SGCD: variants seen among roughly 807,000 people sequenced by gnomAD.
SGCD encodes the protein delta-sarcoglycan.
In SGCD, 18 loss-of-function variants were observed where a neutral mutation model predicts 36.6. The observed-to-expected ratio is 0.49, with a 90% CI of 0.34 to 0.73. The LOEUF (loss-of-function observed/expected upper bound fraction) is 0.73. Ranked by LOEUF, SGCD falls within the 30% of genes least tolerant of loss-of-function variation. The probability of loss-of-function intolerance (pLI) is 0.01; values close to 1 mark genes in which losing one functional copy is unlikely to be tolerated. For synonymous variants in SGCD, 133 were observed against 130.6 expected, an observed-to-expected ratio of 1.02 and a Z score of -0.12; for missense variants, 387 against 346.7, an observed-to-expected ratio of 1.12 and a Z score of -0.92.
chr5:156,639,170 A>G (rs1025399673), intron 6 of SGCD, among the ~76,000 whole-genome samples: 1 of 152,016 alleles, frequency 6.6e-6, no homozygotes, highest in African/African-American at 2.4e-5. Context: ...GTGTATATGT[A>G]TGTGTGTGTA....
chr5:156,222,233 G>A (rs1764734251), intron 3 of SGCD, among the ~76,000 whole-genome samples: 1 of 152,054 alleles, frequency 6.6e-6, no homozygotes, highest in Non-Finnish European at 1.5e-5. Flanking sequence ...TCCCATGAGG[G>A]ACAGGATACT....
At chr5:156,370,774 A>C (rs1054495945) in intron 3 of SGCD, among the ~76,000 whole-genome samples, 1 of 152,172 alleles carries the variant, frequency 6.6e-6, no homozygotes, top group African/African-American at 2.4e-5. Context: ...CATTAATAGG[A>C]GCAAAAAAAC....
intron 6 of SGCD, among the ~76,000 whole-genome samples, chr5:156,641,634 A>T (rs574824242): frequency 3.0e-4 from 45 of 152,328 alleles, no homozygotes; most frequent in African/African-American, 1.1e-3. Context: ...ATACTAAAAA[A>T]GCTGGATATT....
chr5:156,384,504 GC>G (rs1771170084), intron 3 of SGCD, among the ~76,000 whole-genome samples: 1 of 152,136 alleles, frequency 6.6e-6, no homozygotes, highest in African/African-American at 2.4e-5. Flanking sequence ...AGTTGATTGA[GC>G]TTGTGTGCCA....
chr5:156,009,345 T>C (rs1310552801), intron 1 of SGCD, among the ~76,000 whole-genome samples: 1 of 152,182 alleles, frequency 6.6e-6, no homozygotes, highest in East Asian at 1.9e-4. Context: ...TCCCCACAGT[T>C]GGAGGTGCCA....
chr5:156,628,624 T>C (rs1227639154), intron 6 of SGCD, among the ~76,000 whole-genome samples: 1 of 152,186 alleles, frequency 6.6e-6, no homozygotes, highest in Non-Finnish European at 1.5e-5. Flanking sequence ...TAAAACTGAT[T>C]TACATTTCAG....
At chr5:155,969,998 G>A (rs1757978417) in intron 1 of SGCD, among the ~76,000 whole-genome samples, 1 of 151,584 alleles carries the variant, frequency 6.6e-6, no homozygotes, top group East Asian at 1.9e-4. Flanking sequence ...GTCTTTGTAA[G>A]CCTTTAGTCA....
At chr5:156,624,925 G>A (rs889094115) in intron 6 of SGCD, among the ~76,000 whole-genome samples, 8 of 152,166 alleles carry the variant, frequency 5.3e-5, no homozygotes, top group African/African-American at 1.9e-4. Context: ...CTGCATGGTA[G>A]CATTAGTTAC....
At chr5:156,274,168 A>G (rs1370532492) in intron 3 of SGCD, among the ~76,000 whole-genome samples, 1 of 152,196 alleles carries the variant, frequency 6.6e-6, no homozygotes. Flanking sequence ...AGAGAGTGAC[A>G]ATAAGGTACT....
intron 1 of SGCD, among the ~76,000 whole-genome samples, chr5:156,001,169 G>T (rs1758657257): frequency 6.6e-6 from 1 of 152,162 alleles, no homozygotes. Context: ...GACAGGCTCT[G>T]GGAGTTGATA....
At chr5:156,394,693 C>T (rs1400616293) in intron 3 of SGCD, among the ~76,000 whole-genome samples, 1 of 152,102 alleles carries the variant, frequency 6.6e-6, no homozygotes, top group African/African-American at 2.4e-5. Flanking sequence ...CTGCTTTTTT[C>T]CTTCCGATTT....
At chr5:156,745,103 T>A (rs936487873) in intron 7 of SGCD, among the ~76,000 whole-genome samples, 2 of 152,116 alleles carry the variant, frequency 1.3e-5, no homozygotes, top group African/African-American at 4.8e-5. Flanking sequence ...AAACAAATCT[T>A]GGGGTTCACT....
In SGCD at chr5:156,429,764, CCTT is replaced by C. The variant is rs780994777; in HGVS notation, c.193-78835_193-78833del. ...TTTGTCTGAAAAAGAATTTATTTCTCCTTCATTTATAAAGCCTAGTTTCACTGG... is the reference window on the plus strand; with the variant it reads ...TTTGTCTGAAAAAGAATTTATTTCTCCATTTATAAAGCCTAGTTTCACTGG... On this transcript the variant is annotated intron_variant, in intron 3 of 8. Transcript: ENST00000337851. Among the ~76,000 whole-genome samples, 13 of 152,032 alleles carry C rather than the reference CCTT, an allele frequency of 8.6e-5. 1 individual carries two copies. The highest frequency in any genetic ancestry group is 5.9e-4 in the Admixed American group (9 of 15,266).
intron 3 of SGCD, among the ~76,000 whole-genome samples, chr5:156,133,094 C>A (rs74441896): frequency 6.6e-6 from 1 of 152,070 alleles, no homozygotes; most frequent in South Asian, 2.1e-4. Context: ...TCAATTTCCT[C>A]GAATGTAAAA....
chr5:156,690,163 A>G (rs182255404), intron 7 of SGCD, among the ~76,000 whole-genome samples: 186 of 152,358 alleles, frequency 1.2e-3, no homozygotes, highest in Admixed American at 2.0e-3. Flanking sequence ...GGTAAGTACT[A>G]TACTAGCCCT....
intron 1 of SGCD, among the ~76,000 whole-genome samples, chr5:155,966,788 A>G (rs2127558350): frequency 6.6e-6 from 1 of 152,240 alleles, no homozygotes; most frequent in South Asian, 2.1e-4. Context: ...TAATATTAAT[A>G]CTGGCTTGTA....
chr5:156,074,994 C>G (rs1348009279), intron 1 of SGCD, among the ~76,000 whole-genome samples: 2 of 152,226 alleles, frequency 1.3e-5, no homozygotes, highest in Admixed American at 1.3e-4. Flanking sequence ...AGAAGTCTAT[C>G]ATGAACCTTG....
At chr5:156,600,437 GT>G (rs1761146128) in intron 6 of SGCD, among the ~76,000 whole-genome samples, 1 of 152,006 alleles carries the variant, frequency 6.6e-6, no homozygotes, top group Non-Finnish European at 1.5e-5. Flanking sequence ...TGTATGTCTG[GT>G]TATTTTACTT....
intron 6 of SGCD, among the ~76,000 whole-genome samples, chr5:156,602,901 C>CT (rs1057154054): frequency 2.0e-5 from 3 of 151,984 alleles, no homozygotes; most frequent in Non-Finnish European, 4.4e-5. Flanking sequence ...GCTATAGTTT[C>CT]TTTTTTTGTT....
Sources: gnomAD v4.1 joint callset for allele counts (sites outside exome capture counted in the v4.1 genomes callset) on GRCh38, gnomAD v4.1.1 for gene constraint, MANE v1.5 for transcripts, NCBI Gene and HGNC (gene_info 2026-07-23, HGNC 2026-07-21) for gene names.